Variants in ZNF532 observed in about 807,000 individuals in gnomAD.
ZNF532 encodes zinc finger protein 532.
Under a neutral mutation model 89.3 loss-of-function variants are expected in ZNF532, and 22 were observed. The observed-to-expected ratio is 0.25, with a 90% CI of 0.18 to 0.35. The LOEUF is 0.35. Ranked by LOEUF, ZNF532 falls within the 10% of genes least tolerant of loss-of-function variation. The pLI, the probability that ZNF532 is intolerant of heterozygous loss-of-function variation, is 1.00. For missense variants in ZNF532, 1,132 were observed against 1,643.4 expected, an observed-to-expected ratio of 0.69 and a Z score of 5.38; for synonymous variants, 606 against 649.6, an observed-to-expected ratio of 0.93 and a Z score of 1.02.
chr18:58,944,154 G>T (rs958168113), intron 5 of ZNF532, among the ~76,000 whole-genome samples: 1 of 152,140 alleles, frequency 6.6e-6, no homozygotes, highest in Non-Finnish European at 1.5e-5. Flanking sequence ...GTGGTGCTTT[G>T]CCCCTAGTTG....
intron 2 of ZNF532, among the ~76,000 whole-genome samples, chr18:58,867,592 C>T (rs189970039): frequency 6.6e-5 from 10 of 152,218 alleles, no homozygotes; most frequent in African/African-American, 2.4e-4. Flanking sequence ...CCAGGGGGGA[C>T]CCGGTGCCTG....
intron 3 of ZNF532, among the ~76,000 whole-genome samples, chr18:58,930,352 C>T (rs1041517992): frequency 3.3e-5 from 5 of 152,072 alleles, no homozygotes; most frequent in South Asian, 2.1e-4. Context: ...GAGTACCGGG[C>T]GCAGTGGCTC....
chr18:58,952,001 C>G (rs2064257351), intron 6 of ZNF532, among the ~76,000 whole-genome samples: 1 of 152,212 alleles, frequency 6.6e-6, no homozygotes, highest in Admixed American at 6.5e-5. Flanking sequence ...TTGGGTAGAC[C>G]TTGTGACTTC....
chr18:58,984,710 T>C lies in ZNF532; in HGVS notation c.*244T>C, dbSNP rs2147802839. Reference sequence around the variant, plus strand: ...TTTTATACTCTTTGTTACATGTTTGTATCAGTATTTAGTGGAAAACCATTT... The same window carrying C: ...TTTTATACTCTTTGTTACATGTTTGCATCAGTATTTAGTGGAAAACCATTT... On this transcript the variant is annotated 3_prime_UTR_variant, in exon 10 of 10. Coordinates refer to ENST00000591808, the MANE Select transcript of ZNF532 (RefSeq NM_001375912.1). 1 of 352,432 alleles carries C rather than the reference T, an allele frequency of 2.8e-6. No individual in the cohort carries two copies. Among genetic ancestry groups the C allele is most frequent in the African/African-American group, 2.1e-5 (1 of 48,718 alleles). The allele number at this position is 352,432 out of a possible 1,614,324, so 21.8% of individuals were successfully genotyped here.
At position 58,921,293 on chromosome 18, in the gene ZNF532, G is replaced by T. The variant is rs187841808; in HGVS notation, c.2346+660G>T. ...CCCATTGTATTAAGTATTTGAGCCC[G>T]GCTTCATCATCAGAGCTCCTGAGTT... On this transcript the variant is annotated intron_variant, in intron 3 of 9. Transcript: ENST00000591808. Among the ~76,000 whole-genome samples, 3 of 152,176 alleles carry T rather than the reference G, an allele frequency of 2.0e-5. 1 individual carries two copies. Among genetic ancestry groups the T allele is most frequent in the African/African-American group, 7.2e-5 (3 of 41,514 alleles).
chr18:58,966,119 C>T (rs913089891), intron 7 of ZNF532, among the ~76,000 whole-genome samples: 2 of 152,036 alleles, frequency 1.3e-5, no homozygotes, highest in Non-Finnish European at 2.9e-5. Flanking sequence ...ACGTTCCCTC[C>T]TACTCTCCTA....
At chr18:58,980,384 G>C (rs577284490) in intron 8 of ZNF532, 55 of 152,344 alleles carry the variant, frequency 3.6e-4, no homozygotes, top group African/African-American at 1.3e-3. Flanking sequence ...AAAATGCTGG[G>C]ATTGTTCTGC....
intron 2 of ZNF532, among the ~76,000 whole-genome samples, chr18:58,893,512 C>T (rs1008190052): frequency 2.6e-5 from 4 of 151,732 alleles, no homozygotes; most frequent in Non-Finnish European, 5.9e-5. Context: ...AAATATTAGC[C>T]GGGTGTGGTG....
intron 6 of ZNF532, among the ~76,000 whole-genome samples, chr18:58,950,762 G>A (rs2064079730): frequency 6.6e-6 from 1 of 152,082 alleles, no homozygotes. Context: ...TAGGAGCTAA[G>A]GAAAAATCAA....
chr18:58,983,550 T>A (rs2068080200), intron 9 of ZNF532, among the ~76,000 whole-genome samples: 1 of 152,134 alleles, frequency 6.6e-6, no homozygotes. Context: ...ATGTCACCTG[T>A]CACCAGGCTG....
chr18:58,891,645 T>A (rs1265661430), intron 2 of ZNF532, among the ~76,000 whole-genome samples: 1 of 152,248 alleles, frequency 6.6e-6, no homozygotes, highest in East Asian at 1.9e-4. Context: ...AGTGTTGGTC[T>A]GTGTTCTTGC....
At chr18:58,940,963 TTCTCTC>T (rs140521782) in intron 5 of ZNF532, among the ~76,000 whole-genome samples, 1,362 of 105,246 alleles carry the variant, frequency 0.013, 7 homozygotes, top group Non-Finnish European at 0.019. Flanking sequence ...CACACACTCT[TTCTCTC>T]TCTCTCTCTC....
chr18:58,916,306 C>T (rs2060595807), intron 2 of ZNF532, among the ~76,000 whole-genome samples: 1 of 152,118 alleles, frequency 6.6e-6, no homozygotes, highest in South Asian at 2.1e-4. Flanking sequence ...TTTTTCATTC[C>T]CCACGTTTTG....
At chr18:58,922,802 A>T (rs1248554035) in intron 3 of ZNF532, among the ~76,000 whole-genome samples, 1 of 152,068 alleles carries the variant, frequency 6.6e-6, no homozygotes, top group Non-Finnish European at 1.5e-5. Context: ...TGGCCTTTGG[A>T]GCTACCCTCA....
At chr18:58,924,048 G>T (rs970760609) in intron 3 of ZNF532, among the ~76,000 whole-genome samples, 1 of 152,116 alleles carries the variant, frequency 6.6e-6, no homozygotes, top group Non-Finnish European at 1.5e-5. Context: ...GTAGAGACGG[G>T]GTTTCACCAT....
At chr18:58,981,733 C>A in intron 9 of ZNF532, 116 bp downstream of exon 9, 1 of 1,400,254 alleles carries the variant, frequency 7.1e-7, no homozygotes, top group Non-Finnish European at 9.8e-7. Context: ...TTCAGACTGG[C>A]TGGGTGCGGT....
At chr18:58,881,887 C>T (rs2057952913) in intron 2 of ZNF532, among the ~76,000 whole-genome samples, 1 of 152,140 alleles carries the variant, frequency 6.6e-6, no homozygotes, top group South Asian at 2.1e-4. Context: ...TCTATGTGTG[C>T]CTACTTGTGT....
intron 7 of ZNF532, among the ~76,000 whole-genome samples, chr18:58,960,838 T>G (rs1409640083): frequency 6.6e-6 from 1 of 152,158 alleles, no homozygotes; most frequent in Non-Finnish European, 1.5e-5. Context: ...ATGACTTAAT[T>G]ATAGGAAGAG....
rs375133893 is a variant in ZNF532, at chr18:58,953,779, G to C, written c.3130G>C (p.Val1044Leu). The C allele has an allele frequency of 6.2e-7, 1 of 1,612,958 alleles. No homozygotes were observed. The highest frequency in any genetic ancestry group is 2.2e-5 in the East Asian group (1 of 44,874). The change falls in exon 7 of 10, where the codon GTG (valine) becomes CTG (leucine). Residue 1044 changes from valine to leucine, a missense_variant. Val to Leu is a conservative substitution (Grantham distance 32). Coordinates refer to ENST00000591808, the MANE Select transcript of ZNF532 (RefSeq NM_001375912.1). Reference sequence around the variant, plus strand: ...GCAGAGAGATGTGTACATATCCCACGTGAGGAAGGAGCACGGGAAGGTCAG... The same window carrying C: ...GCAGAGAGATGTGTACATATCCCACCTGAGGAAGGAGCACGGGAAGGTCAG... ...FMQRDVYISH[V>L]RKEHGKQMKK... is the part of the protein sequence containing the mutation.
Sources: gnomAD v4.1 joint callset for allele counts (sites outside exome capture counted in the v4.1 genomes callset) on GRCh38, gnomAD v4.1.1 for gene constraint, MANE v1.5 for transcripts, NCBI Gene and HGNC (gene_info 2026-07-23, HGNC 2026-07-21) for gene names.